The following SCTR variants were observed in gnomAD, a reference collection of about 807,000 sequenced individuals.
SCTR encodes the protein secretin receptor.
In SCTR, 56 loss-of-function variants were observed where a neutral mutation model predicts 60.8. The observed-to-expected ratio is 0.92, with a 90% CI of 0.74 to 1.15. The LOEUF (loss-of-function observed/expected upper bound fraction) is 1.15. Among genes scored for constraint, SCTR ranks in the 50% most tolerant of loss-of-function variants. The pLI is 0.00. For missense variants in SCTR, 562 were observed against 550.4 expected (o/e 1.02, Z -0.21); for synonymous variants, 202 against 217.0 (o/e 0.93, Z 0.61).
chr2:119,473,429 TG>T, intron 4 of SCTR, 23 bp downstream of exon 4: 1 of 1,539,462 alleles, frequency 6.5e-7, no homozygotes, highest in South Asian at 1.1e-5. Flanking sequence ...CCCGGGTTCG[TG>T]GGGTGGAGGT....
chr2:119,442,359 C>T (rs1204202429), intron 11 of SCTR, among the ~76,000 whole-genome samples: 1 of 152,236 alleles, frequency 6.6e-6, no homozygotes, highest in East Asian at 1.9e-4. Flanking sequence ...GCGGCGCATT[C>T]ACCCTGCTCC....
At position 119,440,191 on chromosome 2, in the gene SCTR, C is replaced by T; in HGVS notation, c.1249G>A (p.Ala417Thr). ...GCCTTGGTGCTGTTGCTGAAGGAGG[C>T]CACGGGGTGCAGTGGGAACTCACGG... ...HLREFPLHPV[A>T]SFSNSTKASH... Residue 417 changes from alanine to threonine, a missense_variant, in exon 13 of 13, where the codon GCC becomes ACC. Transcript: ENST00000019103. 1.2e-6 allele frequency: 2 copies of T among 1,614,062 alleles called. No individual in the cohort carries two copies. The highest frequency in any genetic ancestry group is 1.7e-6 in the Non-Finnish European group (2 of 1,180,008).
chr2:119,444,005 G>T (rs1682756778), intron 11 of SCTR, among the ~76,000 whole-genome samples: 1 of 143,286 alleles, frequency 7.0e-6, no homozygotes, highest in Non-Finnish European at 1.5e-5. Flanking sequence ...TAGTAGGTAG[G>T]GATGGAGATG....
chr2:119,523,148 G>A (rs1679337794), intron 1 of SCTR, among the ~76,000 whole-genome samples: 2 of 152,110 alleles, frequency 1.3e-5, no homozygotes, highest in South Asian at 4.1e-4. Context: ...ACTCAGTTGG[G>A]TCCCCAAGCG....
Position 119,439,907 on chromosome 2 carries a change from C to T in SCTR, c.*210G>A. The T allele has an allele frequency of 1.8e-6, 1 of 546,520 alleles. No individual in the cohort carries two copies. Among genetic ancestry groups the T allele is most frequent in the Non-Finnish European group, 3.2e-6 (1 of 310,494 alleles). The allele number at this position is 546,520 out of a possible 1,614,324, so 33.9% of individuals were successfully genotyped here. ...TTCTGGGACCCCTGAACTTCTCTTC[C>T]CAGAAGAGCAAACGAACCAAATCCC... On this transcript the variant is annotated 3_prime_UTR_variant, in exon 13 of 13. Transcript: ENST00000019103.
At chr2:119,444,182 TATGAATATATACA>T in intron 11 of SCTR, among the ~76,000 whole-genome samples, 1 of 143,376 alleles carries the variant, frequency 7.0e-6, no homozygotes, top group Admixed American at 6.9e-5. Flanking sequence ...TATATATACA[TATGAATATATACA>T]CATATGTATA....
At chr2:119,507,913 G>A (rs1488651301) in intron 1 of SCTR, among the ~76,000 whole-genome samples, 4 of 152,014 alleles carry the variant, frequency 2.6e-5, no homozygotes, top group African/African-American at 7.3e-5. Flanking sequence ...TCTTGACCTC[G>A]TGATCTGCCC....
At chr2:119,520,900 C>G (rs983415635) in intron 1 of SCTR, among the ~76,000 whole-genome samples, 1 of 152,152 alleles carries the variant, frequency 6.6e-6, no homozygotes, top group African/African-American at 2.4e-5. Context: ...ACATGACAAC[C>G]TTTAAGGCAA....
intron 2 of SCTR, chr2:119,487,091 C>G (rs949649960): frequency 6.6e-6 from 1 of 152,138 alleles, no homozygotes; most frequent in African/African-American, 2.4e-5. Flanking sequence ...TATGAAATGT[C>G]CAGCACTGGC....
chr2:119,494,117 A>G (rs1341017288), intron 2 of SCTR, among the ~76,000 whole-genome samples: 10 of 152,182 alleles, frequency 6.6e-5, no homozygotes, highest in Admixed American at 5.2e-4. Flanking sequence ...TGAGAGGAGA[A>G]CTGTCTTGCA....
intron 9 of SCTR, among the ~76,000 whole-genome samples, 191 bp downstream of exon 9, chr2:119,451,819 C>A (rs1558838028): frequency 6.6e-6 from 1 of 152,250 alleles, no homozygotes. Context: ...TTACCCCTCA[C>A]TGCACTCCCA....
At chr2:119,506,842 G>C (rs977512450) in intron 1 of SCTR, among the ~76,000 whole-genome samples, 1 of 152,158 alleles carries the variant, frequency 6.6e-6, no homozygotes, top group Non-Finnish European at 1.5e-5. Flanking sequence ...CAGGAGTTAA[G>C]GACGGGGTGA....
intron 2 of SCTR, chr2:119,480,584 G>A (rs1308735855): frequency 1.3e-5 from 2 of 152,188 alleles, no homozygotes; most frequent in Admixed American, 1.3e-4. Flanking sequence ...ATCTTACTGA[G>A]TCCCTCACAA....
chr2:119,440,628 T>C (rs1682621133), intron 12 of SCTR, among the ~76,000 whole-genome samples: 1 of 152,186 alleles, frequency 6.6e-6, no homozygotes, highest in South Asian at 2.1e-4. Flanking sequence ...TCTGAAGGTC[T>C]GGGGCACTGA....
At chr2:119,502,062 C>G (rs1032220553) in intron 1 of SCTR, among the ~76,000 whole-genome samples, 2 of 152,120 alleles carry the variant, frequency 1.3e-5, no homozygotes, top group African/African-American at 4.8e-5. Flanking sequence ...TCAAGACCAA[C>G]CTGGGCAAGA....
intron 2 of SCTR, chr2:119,485,796 C>T (rs545262807): frequency 6.5e-6 from 1 of 153,292 alleles, no homozygotes; most frequent in African/African-American, 2.4e-5. Context: ...ATCTCTCAGG[C>T]ACTTCCACTG....
At position 119,441,793 on chromosome 2, in the gene SCTR, A is replaced by G. The variant is rs1573775440; in HGVS notation, c.1141-194T>C. 4 of 582,824 alleles carry G rather than the reference A, an allele frequency of 6.9e-6. No homozygotes were observed. In the East Asian group the frequency reaches 1.2e-4, roughly 18 times the overall value. The allele number at this position is 582,824 out of a possible 1,614,324, so 36.1% of individuals were successfully genotyped here. A position where few individuals can be genotyped will look rare whatever the true frequency, so the allele number is the denominator to read the frequency against. On this transcript the variant is annotated intron_variant, in intron 11 of 12. Transcript: ENST00000019103. The stretch of plus-strand genomic sequence containing the variant: ...TGGCCCTGGCTGTGCTGGCTCATCC[A>G]GCATAAACTGTGAACTCCTTGCAGC...
At chr2:119,452,464 G>A (rs1000485027) in intron 8 of SCTR, among the ~76,000 whole-genome samples, 2 of 152,182 alleles carry the variant, frequency 1.3e-5, no homozygotes, top group Non-Finnish European at 2.9e-5. Flanking sequence ...ATCAGGCCTG[G>A]AGGGTACTGA....
intron 4 of SCTR, among the ~76,000 whole-genome samples, chr2:119,469,887 C>G (rs1362773039): frequency 6.6e-6 from 1 of 152,192 alleles, no homozygotes; most frequent in African/African-American, 2.4e-5. Flanking sequence ...TCAGTTGCCT[C>G]TCTTACTGCT....
Sources: gnomAD v4.1 joint callset for allele counts (sites outside exome capture counted in the v4.1 genomes callset) on GRCh38, gnomAD v4.1.1 for gene constraint, MANE v1.5 for transcripts, NCBI Gene and HGNC (gene_info 2026-07-23, HGNC 2026-07-21) for gene names.